Variants in VPS13A observed in about 807,000 individuals in gnomAD.
VPS13A encodes the protein vacuolar protein sorting 13 homolog A.
A neutral mutation model predicts 390.9 loss-of-function variants in VPS13A; 264 were observed. That is an observed-to-expected ratio of 0.68 (90% CI 0.61 to 0.75). VPS13A has a LOEUF of 0.75. Ranked by LOEUF, VPS13A falls within the 30% of genes least tolerant of loss-of-function variation. The pLI, the probability that VPS13A is intolerant of heterozygous loss-of-function variation, is 0.00. For synonymous variants in VPS13A, 1,231 were observed against 1,227.1 expected (o/e 1.00, Z -0.07); for missense variants, 3,409 against 3,733.9 (o/e 0.91, Z 2.27).
chr9:77,340,205 T>A lies in VPS13A; in HGVS notation c.6802T>A (p.Leu2268Met), dbSNP rs763966635. 6.2e-7 allele frequency: 1 copy of A among 1,613,282 alleles called. No individual in the cohort carries two copies. The highest frequency in any genetic ancestry group is 8.5e-7 in the Non-Finnish European group (1 of 1,179,586). ...TCAACTTATGGTAACTGATAGTGAG[T>A]TGTCCAATCAGTTTTCAATTGATAC... ...KVQLMVTDSE[L>M]SNQFSIDTVG... Residue 2268 changes from leucine to methionine, a missense_variant, in exon 49 of 72, where the codon TTG (leucine) becomes ATG (methionine). By Grantham distance (15) the Leu-to-Met change is conservative. This residue lies in a region of VPS13A where 2,717 missense variants were observed against 2,917.4 expected (regional missense o/e 0.93). Transcript: ENST00000360280.
At chr9:77,401,808 G>C (rs1834409110) in intron 68 of VPS13A, among the ~76,000 whole-genome samples, 1 of 152,060 alleles carries the variant, frequency 6.6e-6, no homozygotes, top group Non-Finnish European at 1.5e-5. Context: ...GGCCAACCAT[G>C]GTTTGAAAAT....
Position 77,340,718 on chromosome 9 carries a change from G to T in VPS13A, c.7026+168G>T, listed in dbSNP as rs530948353. The T allele has an allele frequency of 5.2e-4, 394 of 763,306 alleles. 4 individuals are homozygous for T. In the African/African-American group the frequency reaches 5.6e-3, roughly 11 times the overall value. The allele number at this position is 763,306 out of a possible 1,614,324, so 47.3% of individuals were successfully genotyped here. ...TGCCCTGCTCTAGATAGATGGGAAG[G>T]TTCAATTTTTAATAATTAGGTAACT... On this transcript the variant is annotated intron_variant, in intron 50 of 71. Transcript: ENST00000360280.
intron 17 of VPS13A, among the ~76,000 whole-genome samples, chr9:77,230,593 AGCCTTAT>A (rs1176589573): frequency 1.3e-5 from 2 of 152,104 alleles, no homozygotes; most frequent in Non-Finnish European, 2.9e-5. Context: ...CTATATGTCT[AGCCTTAT>A]GCCAGTACCC....
intron 19 of VPS13A, 106 bp from the exon 20 acceptor site, chr9:77,247,153 A>G: frequency 1.0e-6 from 1 of 994,066 alleles, no homozygotes; most frequent in Non-Finnish European, 1.4e-6. Context: ...TAAAATTAAT[A>G]CTAATTTTAC....
Position 77,177,807 on chromosome 9 carries a change from A to T in VPS13A, c.100+3A>T. 1 of 1,609,056 alleles carries T rather than the reference A, an allele frequency of 6.2e-7. No homozygotes were observed. Among genetic ancestry groups the T allele is most frequent in the South Asian group, 1.1e-5 (1 of 90,882 alleles). Reference sequence around the variant, plus strand: ...GCTCTCTCTGGGCATCTGGAAAGGTAAGGAGGCCGCCGCCGCCGCTCCCCG... The same window carrying T: ...GCTCTCTCTGGGCATCTGGAAAGGTTAGGAGGCCGCCGCCGCCGCTCCCCG... On this transcript the variant is annotated splice_donor_region_variant and intron_variant, in intron 1 of 71. Transcript: ENST00000360280.
At chr9:77,179,720 A>G (rs1823893055) in intron 1 of VPS13A, among the ~76,000 whole-genome samples, 2 of 146,956 alleles carry the variant, frequency 1.4e-5, no homozygotes, top group Non-Finnish European at 3.0e-5. Context: ...TATTTCATAT[A>G]CCATAAATTT....
intron 29 of VPS13A, 98 bp downstream of exon 29, chr9:77,282,372 C>A (rs1379491084): frequency 1.7e-6 from 2 of 1,143,774 alleles, no homozygotes; most frequent in Admixed American, 2.4e-5. Context: ...CAAATATTGG[C>A]TTCAGAATTC....
At chr9:77,327,672 A>G (rs1469561805) in intron 45 of VPS13A, among the ~76,000 whole-genome samples, 1 of 151,798 alleles carries the variant, frequency 6.6e-6, no homozygotes, top group East Asian at 1.9e-4. Context: ...TCAGAATAAT[A>G]CATTTTTGCC....
intron 68 of VPS13A, among the ~76,000 whole-genome samples, chr9:77,383,912 T>G (rs1833562754): frequency 6.6e-6 from 1 of 151,656 alleles, no homozygotes; most frequent in African/African-American, 2.4e-5. Context: ...CAGTTAGCAT[T>G]TTTTTCTTAC....
At chr9:77,194,609 G>T (rs1824880551) in intron 1 of VPS13A, among the ~76,000 whole-genome samples, 1 of 152,070 alleles carries the variant, frequency 6.6e-6, no homozygotes, top group Admixed American at 6.6e-5. Context: ...GTCTGTAGGG[G>T]TCATGGAGCC....
Position 77,252,329 on chromosome 9 carries a change from T to C in VPS13A, c.2265T>C (p.Val755=). The C allele has an allele frequency of 6.2e-7, 1 of 1,613,694 alleles. No homozygotes were observed. The highest frequency in any genetic ancestry group is 1.1e-5 in the South Asian group (1 of 91,072). Residue 755 remains valine (V), a synonymous_variant, in exon 22 of 72, where the codon GTT becomes GTC. Coordinates refer to ENST00000360280, the MANE Select transcript of VPS13A (RefSeq NM_033305.3). ...ATTTGGAACTGTCTAAGGCCATGGT[T>C]TTCATGGATGTAAGGATGCCCAAGT... ...HFNLELSKAM[V]FMDVRMPKFK... is the part of the protein sequence containing the mutation.
At chr9:77,271,105 A>G (rs1216050319) in intron 23 of VPS13A, among the ~76,000 whole-genome samples, 1 of 152,238 alleles carries the variant, frequency 6.6e-6, no homozygotes, top group Non-Finnish European at 1.5e-5. Context: ...TGGGAAAAAT[A>G]GTTGCAAAAA....
At chr9:77,360,432 T>C in intron 58 of VPS13A, 104 bp from the exon 59 acceptor site, 1 of 859,598 alleles carries the variant, frequency 1.2e-6, no homozygotes, top group Non-Finnish European at 1.9e-6. Flanking sequence ...TAGTCCTAAG[T>C]TTCAAAGTTC....
intron 20 of VPS13A, among the ~76,000 whole-genome samples, chr9:77,249,208 A>T (rs1439379636): frequency 6.6e-6 from 1 of 152,186 alleles, no homozygotes; most frequent in Non-Finnish European, 1.5e-5. Flanking sequence ...CCTGTCCTTG[A>T]TACTGACATC....
In VPS13A at chr9:77,288,913, A is replaced by G. The variant is rs538016449; in HGVS notation, c.3340-4428A>G. On this transcript the variant is annotated intron_variant, in intron 31 of 71. Transcript: ENST00000360280. Reference sequence around the variant, plus strand: ...GTTTTGGAGATCTCTTGTTAGGTACATATAAATGTGTATGAATTTTATGCC... The same window carrying G: ...GTTTTGGAGATCTCTTGTTAGGTACGTATAAATGTGTATGAATTTTATGCC... Among the ~76,000 whole-genome samples, 24 of 152,278 alleles carry G rather than the reference A, an allele frequency of 1.6e-4. 1 individual carries two copies. Among genetic ancestry groups the G allele is most frequent in the Admixed American group, 1.3e-3 (20 of 15,294 alleles).
At chr9:77,233,235 A>G (rs939969564) in intron 17 of VPS13A, among the ~76,000 whole-genome samples, 7 of 151,750 alleles carry the variant, frequency 4.6e-5, no homozygotes, top group African/African-American at 9.7e-5. Flanking sequence ...TTATTCCTCT[A>G]TGGTGTGTCA....
At position 77,238,388 on chromosome 9, in the gene VPS13A, T is replaced by C; in HGVS notation, c.1900+2T>C. The C allele has an allele frequency of 1.3e-6, 2 of 1,599,738 alleles. No homozygotes were observed. Among genetic ancestry groups the C allele is most frequent in the Non-Finnish European group, 1.7e-6 (2 of 1,166,908 alleles). On this transcript the variant is annotated splice_donor_variant, in intron 19 of 71. Transcript: ENST00000360280. LOFTEE classifies it high-confidence loss of function. ...AATTTCGCAGTAAGACAGCAACAGG[T>C]AAATGCCAATATTAATGTTGGTGAA...
chr9:77,325,523 T>C (rs1829969935), intron 45 of VPS13A, among the ~76,000 whole-genome samples: 1 of 151,892 alleles, frequency 6.6e-6, no homozygotes, highest in Non-Finnish European at 1.5e-5. Flanking sequence ...TTTTTTTTTC[T>C]ATTTGTCTCA....
intron 70 of VPS13A, among the ~76,000 whole-genome samples, chr9:77,407,220 A>G (rs1834661046): frequency 6.6e-6 from 1 of 152,320 alleles, no homozygotes; most frequent in Non-Finnish European, 1.5e-5. Context: ...TTGGAGACGA[A>G]AAACAGTGGC....
Sources: allele counts gnomAD v4.1 joint callset (sites outside exome capture counted in the v4.1 genomes callset), GRCh38; gene constraint gnomAD v4.1.1; regional missense constraint gnomAD v4.1.1; transcripts MANE v1.5; gene names NCBI Gene and HGNC (gene_info 2026-07-23, HGNC 2026-07-21).